The following AGBL4 variants were observed in gnomAD, a reference collection of about 807,000 sequenced individuals.
The protein encoded by AGBL4 is AGBL carboxypeptidase 4, also known as cytosolic carboxypeptidase 6.
AGBL4 carries 58 observed loss-of-function variants against 66.4 expected under a neutral mutation model. The observed-to-expected ratio is 0.87, with a 90% confidence interval of 0.71 to 1.09. The LOEUF (loss-of-function observed/expected upper bound fraction) is 1.09. Ranked by LOEUF, AGBL4 falls within the 50% of genes least tolerant of loss-of-function variation. The pLI is 0.00. For synonymous variants in AGBL4, 234 were observed against 222.9 expected, an observed-to-expected ratio of 1.05 and a Z score of -0.44; for missense variants, 579 against 631.0, an observed-to-expected ratio of 0.92 and a Z score of 0.88.
At chr1:49,847,101 G>A (rs1342001444) in intron 2 of AGBL4, among the ~76,000 whole-genome samples, 1 of 152,102 alleles carries the variant, frequency 6.6e-6, no homozygotes, top group East Asian at 1.9e-4. Flanking sequence ...ATCAATTAAA[G>A]AATAGAGAAC....
intron 9 of AGBL4, among the ~76,000 whole-genome samples, chr1:48,609,484 C>A (rs1320974592): frequency 6.6e-6 from 1 of 152,160 alleles, no homozygotes; most frequent in Non-Finnish European, 1.5e-5. Flanking sequence ...TGCAGGGGAA[C>A]CATCACAGCT....
downstream of AGBL4, among the ~76,000 whole-genome samples, chr1:48,530,259 C>G (rs1557764676): frequency 6.6e-6 from 1 of 152,114 alleles, no homozygotes; most frequent in Non-Finnish European, 1.5e-5. Context: ...GAAAATGATA[C>G]TTACCTGATA....
chr1:48,690,640 C>A (rs183943800), intron 6 of AGBL4, among the ~76,000 whole-genome samples: 57 of 151,914 alleles, frequency 3.8e-4, no homozygotes, highest in African/African-American at 1.4e-3. Flanking sequence ...TTTCTACTTA[C>A]GTCCTATTTT....
At chr1:49,321,624 C>T (rs573126683) in intron 3 of AGBL4, among the ~76,000 whole-genome samples, 1 of 152,288 alleles carries the variant, frequency 6.6e-6, no homozygotes, top group East Asian at 1.9e-4. Flanking sequence ...CTACCACATG[C>T]ATATGCTTAA....
intron 1 of AGBL4, among the ~76,000 whole-genome samples, chr1:49,911,240 C>A (rs553206832): frequency 6.6e-6 from 1 of 151,972 alleles, no homozygotes; most frequent in African/African-American, 2.4e-5. Context: ...GCTGGACTCG[C>A]GAGCCTTTTG....
intron 3 of AGBL4, among the ~76,000 whole-genome samples, chr1:49,532,554 A>G (rs1352920312): frequency 2.2e-4 from 34 of 152,138 alleles, no homozygotes; most frequent in Admixed American, 2.1e-3. Context: ...TACCACTCCA[A>G]TTAAAAATTA....
At chr1:48,856,654 A>G (rs1400281094) in intron 6 of AGBL4, among the ~76,000 whole-genome samples, 5 of 152,208 alleles carry the variant, frequency 3.3e-5, no homozygotes, top group African/African-American at 1.2e-4. Context: ...CAGAGTTGTC[A>G]TGTACTGGGA....
chr1:49,974,662 T>C (rs1435998395), intron 1 of AGBL4, among the ~76,000 whole-genome samples: 1 of 152,162 alleles, frequency 6.6e-6, no homozygotes, highest in Non-Finnish European at 1.5e-5. Context: ...CATCTTTTTC[T>C]AGAAATGATT....
chr1:49,692,057 A>G (rs958251342), intron 3 of AGBL4, among the ~76,000 whole-genome samples: 3 of 152,080 alleles, frequency 2.0e-5, no homozygotes, highest in African/African-American at 7.2e-5. Context: ...ACCTGCCCCC[A>G]TGATTGTTTT....
chr1:49,270,586 G>A (rs1488485958), intron 3 of AGBL4, among the ~76,000 whole-genome samples: 3 of 152,056 alleles, frequency 2.0e-5, no homozygotes, highest in Non-Finnish European at 4.4e-5. Context: ...AACCTCAACT[G>A]TCTGTGACAA....
intron 2 of AGBL4, among the ~76,000 whole-genome samples, chr1:49,758,680 C>G (rs2147856291): frequency 6.6e-6 from 1 of 151,830 alleles, no homozygotes; most frequent in Non-Finnish European, 1.5e-5. Flanking sequence ...TACCCAATGC[C>G]CATAACCCAA....
At chr1:49,513,719 A>G (rs1436997718) in intron 3 of AGBL4, among the ~76,000 whole-genome samples, 3 of 151,984 alleles carry the variant, frequency 2.0e-5, no homozygotes, top group African/African-American at 7.2e-5. Context: ...TAAGTGATTT[A>G]TATTTTCTTC....
chr1:49,195,907 C>T (rs573803853), intron 4 of AGBL4, among the ~76,000 whole-genome samples: 1 of 152,098 alleles, frequency 6.6e-6, no homozygotes, highest in African/African-American at 2.4e-5. Context: ...ACAATTTCCC[C>T]CATGCTGTTC....
Position 48,607,654 on chromosome 1 carries a change from G to A in AGBL4, c.952-16669C>T, listed in dbSNP as rs188431326. Among the ~76,000 whole-genome samples, 8 of 151,956 alleles carry A rather than the reference G, an allele frequency of 5.3e-5. 1 individual carries two copies. Among genetic ancestry groups the A allele is most frequent in the Admixed American group, 2.6e-4 (4 of 15,226 alleles). On this transcript the variant is annotated intron_variant, in intron 9 of 13. Transcript: ENST00000371839. ...GAAAAAAAGAGAAAGTCTGTTGAAC[G>A]GCACCATTCTAGTATCTTAGCCATC...
At chr1:49,434,564 G>A (rs935615268) in intron 3 of AGBL4, among the ~76,000 whole-genome samples, 9 of 152,096 alleles carry the variant, frequency 5.9e-5, no homozygotes, top group African/African-American at 9.7e-5. Flanking sequence ...TATTCATGTC[G>A]TAGGTACAGA....
At chr1:48,674,670 A>T (rs1450286270) in intron 6 of AGBL4, among the ~76,000 whole-genome samples, 1 of 152,206 alleles carries the variant, frequency 6.6e-6, no homozygotes, top group Admixed American at 6.5e-5. Flanking sequence ...CATCTGTAAA[A>T]TGGGAATAAT....
At position 49,759,787 on chromosome 1, in the gene AGBL4, G is replaced by A. The variant is rs558778611; in HGVS notation, c.158-62350C>T. On this transcript the variant is annotated intron_variant, in intron 2 of 13. Coordinates refer to ENST00000371839, the MANE Select transcript of AGBL4 (RefSeq NM_032785.4). ...ACGATGATTCAGCCATAAACACAAA[G>A]TGAGATACTGATACATGCTACAACA... Among the ~76,000 whole-genome samples the A allele has an allele frequency of 3.3e-5, 5 of 152,282 alleles. No individual in the cohort carries two copies. The South Asian group carries it at 8.3e-4, about 25-fold the overall frequency.
chr1:49,509,098 A>G (rs1410667076), intron 3 of AGBL4, among the ~76,000 whole-genome samples: 1 of 151,842 alleles, frequency 6.6e-6, no homozygotes, highest in Admixed American at 6.6e-5. Context: ...CAAATGGGAG[A>G]AGACACTTCA....
chr1:48,686,215 C>A (rs1229275931), intron 6 of AGBL4, among the ~76,000 whole-genome samples: 1 of 152,210 alleles, frequency 6.6e-6, no homozygotes, highest in Non-Finnish European at 1.5e-5. Flanking sequence ...GACTTACCCA[C>A]AGTCTCCTTG....
Sources: gnomAD v4.1 joint callset for allele counts (sites outside exome capture counted in the v4.1 genomes callset) on GRCh38, gnomAD v4.1.1 for gene constraint, MANE v1.5 for transcripts, NCBI Gene and HGNC (gene_info 2026-07-23, HGNC 2026-07-21) for gene names.